The following CSGALNACT1 variants were observed in gnomAD, a reference collection of about 807,000 sequenced individuals.
CSGALNACT1 encodes beta4GalNAcT-1.
A neutral mutation model predicts 51.0 loss-of-function variants in CSGALNACT1; 52 were observed. The observed-to-expected ratio is 1.02, with a 90% confidence interval of 0.82 to 1.29. CSGALNACT1 has a LOEUF of 1.29. CSGALNACT1 is among the 50% of genes most tolerant of loss of function. The pLI is 0.00. For synonymous variants in CSGALNACT1, 341 were observed against 254.4 expected (o/e 1.34, Z -3.24); for missense variants, 935 against 679.2 (o/e 1.38, Z -4.19).
intron 1 of CSGALNACT1, among the ~76,000 whole-genome samples, chr8:19,666,784 A>AG (rs1564382737): frequency 1.3e-4 from 2 of 15,824 alleles, no homozygotes; most frequent in Admixed American, 8.5e-4. Flanking sequence ...AGAAAGAAAG[A>AG]AAGAAAGAAA....
intron 3 of CSGALNACT1, among the ~76,000 whole-genome samples, chr8:19,545,921 G>T (rs1403082169): frequency 6.7e-6 from 1 of 150,130 alleles, no homozygotes; most frequent in Non-Finnish European, 1.5e-5. Flanking sequence ...TTCTAAAACA[G>T]CAAAACAATG....
At chr8:19,420,413 A>C in exon 7 of CSGALNACT1, 1 of 1,614,144 alleles carries the variant, frequency 6.2e-7, no homozygotes, top group Non-Finnish European at 8.5e-7. Context: ...AGAAAAAGAG[A>C]AGGACGTTGC....
At chr8:19,740,492 A>C (rs1002598796) in intron 1 of CSGALNACT1, among the ~76,000 whole-genome samples, 4 of 152,170 alleles carry the variant, frequency 2.6e-5, no homozygotes, top group African/African-American at 9.7e-5. Context: ...ATCCAGTACC[A>C]GTGTTTTACT....
chr8:19,709,975 G>A (rs746843053), intron 1 of CSGALNACT1, among the ~76,000 whole-genome samples: 1 of 152,190 alleles, frequency 6.6e-6, no homozygotes, highest in Non-Finnish European at 1.5e-5. Flanking sequence ...CACAGCAGAT[G>A]TAAATGACTA....
chr8:19,710,792 T>C (rs1003667388), intron 1 of CSGALNACT1, among the ~76,000 whole-genome samples: 4 of 152,338 alleles, frequency 2.6e-5, no homozygotes, highest in Non-Finnish European at 4.4e-5. Context: ...CCTGAAATCA[T>C]CATAAGCATT....
chr8:19,640,640 C>G (rs2056630750), intron 1 of CSGALNACT1, among the ~76,000 whole-genome samples: 1 of 152,170 alleles, frequency 6.6e-6, no homozygotes, highest in Non-Finnish European at 1.5e-5. Flanking sequence ...TAGCATTTCT[C>G]AGTAGTTGAT....
At chr8:19,475,336 T>G (rs1382141035) in intron 4 of CSGALNACT1, among the ~76,000 whole-genome samples, 4 of 152,300 alleles carry the variant, frequency 2.6e-5, no homozygotes, top group Non-Finnish European at 4.4e-5. Flanking sequence ...GTCTCACCAT[T>G]TGCCACCACG....
chr8:19,606,641 C>T (rs974177582), upstream of CSGALNACT1, among the ~76,000 whole-genome samples: 1 of 152,176 alleles, frequency 6.6e-6, no homozygotes, highest in African/African-American at 2.4e-5. Context: ...AGGATGCAGA[C>T]TCAACGGAAA....
At chr8:19,666,269 T>C (rs150494364) in intron 1 of CSGALNACT1, among the ~76,000 whole-genome samples, 1 of 152,300 alleles carries the variant, frequency 6.6e-6, no homozygotes, top group African/African-American at 2.4e-5. Flanking sequence ...AAACCATCTA[T>C]TGTCCTCATA....
chr8:19,577,768 G>A (rs2044609057), intron 3 of CSGALNACT1, among the ~76,000 whole-genome samples: 1 of 152,058 alleles, frequency 6.6e-6, no homozygotes, highest in Non-Finnish European at 1.5e-5. Context: ...TGAGTAAGAA[G>A]CTGCAGCAAC....
intron 4 of CSGALNACT1, among the ~76,000 whole-genome samples, chr8:19,478,594 G>A (rs2070467415): frequency 6.6e-6 from 1 of 152,086 alleles, no homozygotes; most frequent in Non-Finnish European, 1.5e-5. Context: ...AGTGATTCCT[G>A]CAAGGAGGTA....
chr8:19,605,104 A>G (rs569676237), upstream of CSGALNACT1, among the ~76,000 whole-genome samples: 7 of 152,278 alleles, frequency 4.6e-5, no homozygotes, highest in Admixed American at 2.0e-4. Context: ...CTGAATGTCA[A>G]AGAAATAGAC....
chr8:19,744,430 G>A lies in CSGALNACT1; in HGVS notation c.-297+13420C>T, dbSNP rs79551367. ...CACTTTTGCTGATGTCAGAATCCCA[G>A]AGAGTCCAGATGTCCAACACGTCCC... is the stretch of plus-strand genomic sequence containing the variant. On this transcript the variant is annotated intron_variant, in intron 1 of 1. Transcript: ENST00000517494. Among the ~76,000 whole-genome samples the A allele has an allele frequency of 6.2e-3, 946 of 152,302 alleles. 17 individuals carry two copies. Among genetic ancestry groups the A allele is most frequent in the Non-Finnish European group, 9.0e-3 (611 of 68,026 alleles).
intron 1 of CSGALNACT1, among the ~76,000 whole-genome samples, chr8:19,670,390 G>T (rs951255611): frequency 6.6e-6 from 1 of 152,072 alleles, no homozygotes; most frequent in African/African-American, 2.4e-5. Flanking sequence ...GAAGATTACT[G>T]CAGCCAAGTT....
chr8:19,709,505 G>C (rs894851916), intron 1 of CSGALNACT1, among the ~76,000 whole-genome samples: 2 of 152,160 alleles, frequency 1.3e-5, no homozygotes, highest in African/African-American at 2.4e-5. Flanking sequence ...GTTTTAGAAA[G>C]GATGATCAAG....
At chr8:19,733,974 C>T (rs2063828396) in intron 1 of CSGALNACT1, among the ~76,000 whole-genome samples, 1 of 152,130 alleles carries the variant, frequency 6.6e-6, no homozygotes, top group Admixed American at 6.5e-5. Flanking sequence ...AAGAAGTGTA[C>T]CCAGCTGCTT....
At chr8:19,418,291 T>G (rs35731631) in intron 8 of CSGALNACT1, among the ~76,000 whole-genome samples, 7,782 of 152,168 alleles carry the variant, frequency 0.051, 272 homozygotes, top group Middle Eastern at 0.11. Flanking sequence ...CCATTCTGAT[T>G]TCTGTCAAAT....
chr8:19,637,154 G>A lies in CSGALNACT1; in HGVS notation c.-543-35289C>T, dbSNP rs113006687. Among the ~76,000 whole-genome samples the A allele has an allele frequency of 5.4e-3, 819 of 152,248 alleles. 9 individuals are homozygous for A. Among genetic ancestry groups the A allele is most frequent in the African/African-American group, 0.019 (789 of 41,540 alleles). ...CCAGGAGGCAGAGGTTGTAGTGAGT[G>A]GAGATCGCACCATTGCACTCCAGCC... On this transcript the variant is annotated intron_variant, in intron 1 of 9. Coordinates refer to the CSGALNACT1 transcript ENST00000332246.
intron 3 of CSGALNACT1, among the ~76,000 whole-genome samples, chr8:19,522,134 T>C (rs1020187238): frequency 1.3e-5 from 2 of 152,170 alleles, no homozygotes; most frequent in African/African-American, 2.4e-5. Flanking sequence ...GTACTCAGCA[T>C]AGTGCCTGTA....
Sources: gnomAD v4.1 joint callset for allele counts (sites outside exome capture counted in the v4.1 genomes callset) on GRCh38, gnomAD v4.1.1 for gene constraint, MANE v1.5 for transcripts, NCBI Gene and HGNC (gene_info 2026-07-23, HGNC 2026-07-21) for gene names.